CFAP54: variants seen among roughly 807,000 people sequenced by gnomAD.
The protein encoded by CFAP54 is cilia and flagella associated protein 54.
Under a neutral mutation model 370.4 loss-of-function variants are expected in CFAP54, and 290 were observed. That is an observed-to-expected ratio of 0.78 (90% CI 0.71 to 0.86). The LOEUF (loss-of-function observed/expected upper bound fraction) is 0.86, where lower values mean the gene tolerates loss of function less well. Ranked by LOEUF, CFAP54 falls within the 40% of genes least tolerant of loss-of-function variation. The pLI, the probability that CFAP54 is intolerant of heterozygous loss-of-function variation, is 0.00. For synonymous variants in CFAP54, 1,206 were observed against 1,236.5 expected, an observed-to-expected ratio of 0.98 and a Z score of 0.52; for missense variants, 3,399 against 3,528.7, an observed-to-expected ratio of 0.96 and a Z score of 0.93.
At chr12:96,507,150 C>A in intron 4 of CFAP54, 51 bp downstream of exon 4, 1 of 1,353,610 alleles carries the variant, frequency 7.4e-7, no homozygotes, top group Admixed American at 3.0e-5. Context: ...AAAGTTACTT[C>A]AATGCTAAGT....
intron 64 of CFAP54, among the ~76,000 whole-genome samples, chr12:96,812,532 C>T (rs1256882543): frequency 2.0e-5 from 3 of 152,122 alleles, no homozygotes; most frequent in Non-Finnish European, 4.4e-5. Flanking sequence ...CCATTTCCTC[C>T]ATTGTAGGAT....
At position 96,558,656 on chromosome 12, in the gene CFAP54, G is replaced by A. The variant is rs144520230; in HGVS notation, c.2410+3854G>A. Among the ~76,000 whole-genome samples the A allele has an allele frequency of 3.2e-3, 492 of 152,144 alleles. 5 individuals are homozygous for A. The highest frequency in any genetic ancestry group is 0.011 in the African/African-American group (454 of 41,518). On this transcript the variant is annotated intron_variant, in intron 17 of 67. Coordinates refer to ENST00000524981, the MANE Select transcript of CFAP54 (RefSeq NM_001306084.2). The stretch of plus-strand genomic sequence containing the variant: ...AGACAGTCTTTTCAATAAATGATGG[G>A]AAAACTGGATATTCATATGCAAAAG...
At chr12:96,785,538 A>C (rs1184920435) in intron 61 of CFAP54, among the ~76,000 whole-genome samples, 1 of 152,184 alleles carries the variant, frequency 6.6e-6, no homozygotes, top group Admixed American at 6.5e-5. Flanking sequence ...GCTGAGTCAC[A>C]GAGTTGCTAA....
At chr12:96,772,046 C>A (rs1958468159) in intron 60 of CFAP54, among the ~76,000 whole-genome samples, 1 of 152,190 alleles carries the variant, frequency 6.6e-6, no homozygotes, top group Non-Finnish European at 1.5e-5. Flanking sequence ...GATCAGATTA[C>A]ATTGGTCTAA....
chr12:96,645,930 A>C (rs911075418), intron 33 of CFAP54: 1 of 152,200 alleles, frequency 6.6e-6, no homozygotes, highest in African/African-American at 2.4e-5. Context: ...CCTTCCTTAC[A>C]CCTTATACAA....
intron 1 of CFAP54, among the ~76,000 whole-genome samples, chr12:96,498,258 A>G (rs1297961214): frequency 6.6e-6 from 1 of 152,256 alleles, no homozygotes; most frequent in Non-Finnish European, 1.5e-5. Flanking sequence ...TCCTGGAACA[A>G]CTGGATATCC....
intron 1 of CFAP54, among the ~76,000 whole-genome samples, chr12:96,497,925 A>G (rs1215953802): frequency 6.6e-6 from 1 of 152,230 alleles, no homozygotes; most frequent in Non-Finnish European, 1.5e-5. Context: ...CCAACTCTGT[A>G]ACTGAGTAGC....
intron 23 of CFAP54, among the ~76,000 whole-genome samples, chr12:96,590,683 TGTG>T (rs1261585699): frequency 3.3e-5 from 5 of 152,134 alleles, no homozygotes; most frequent in South Asian, 4.1e-4. Context: ...TTATGCGACT[TGTG>T]GGGATAAGAG....
intron 42 of CFAP54, among the ~76,000 whole-genome samples, chr12:96,686,438 G>T (rs1395186518): frequency 6.6e-6 from 1 of 152,210 alleles, no homozygotes; most frequent in Non-Finnish European, 1.5e-5. Flanking sequence ...GTAAAGAAAA[G>T]AGGTTTAATT....
intron 16 of CFAP54, 62 bp downstream of exon 16, chr12:96,554,372 T>C (rs967870828): frequency 1.5e-5 from 22 of 1,437,908 alleles, no homozygotes; most frequent in Non-Finnish European, 1.9e-5. Context: ...AAAACTGGCC[T>C]TGAAAGTAGG....
chr12:96,692,604 A>G (rs148233767), intron 44 of CFAP54, among the ~76,000 whole-genome samples: 9 of 152,340 alleles, frequency 5.9e-5, no homozygotes, highest in Middle Eastern at 3.4e-3. Context: ...AGTTATAGAA[A>G]AATGTATTGT....
intron 15 of CFAP54, among the ~76,000 whole-genome samples, chr12:96,551,831 C>T (rs1023059192): frequency 6.6e-6 from 1 of 152,088 alleles, no homozygotes; most frequent in Admixed American, 6.5e-5. Flanking sequence ...TAAAAGCAGC[C>T]CTTTAATAGT....
intron 63 of CFAP54, among the ~76,000 whole-genome samples, chr12:96,798,211 T>C (rs1458082055): frequency 1.3e-5 from 2 of 152,144 alleles, no homozygotes; most frequent in Non-Finnish European, 2.9e-5. Context: ...GTTTGTTTTT[T>C]ACTCCCTCTT....
chr12:96,528,385 T>G (rs1324553679), intron 9 of CFAP54, among the ~76,000 whole-genome samples: 1 of 152,200 alleles, frequency 6.6e-6, no homozygotes, highest in Non-Finnish European at 1.5e-5. Flanking sequence ...GCTTCTCTGT[T>G]GAAGGGAGAG....
intron 56 of CFAP54, among the ~76,000 whole-genome samples, chr12:96,754,963 C>T (rs894885927): frequency 9.9e-5 from 15 of 152,084 alleles, no homozygotes; most frequent in Non-Finnish European, 4.4e-5. Context: ...AGGCTGATCT[C>T]GAACTCCTGA....
At chr12:96,654,041 A>G (rs1956892507) in intron 36 of CFAP54, among the ~76,000 whole-genome samples, 1 of 152,214 alleles carries the variant, frequency 6.6e-6, no homozygotes, top group Non-Finnish European at 1.5e-5. Context: ...TAACAATCTG[A>G]CACAAGAAGA....
intron 66 of CFAP54, among the ~76,000 whole-genome samples, chr12:96,853,864 C>A (rs1016363264): frequency 1.8e-4 from 27 of 151,996 alleles, no homozygotes; most frequent in Middle Eastern, 3.4e-3. Flanking sequence ...AGCAATTAAT[C>A]TTCATCCTTT....
intron 39 of CFAP54, among the ~76,000 whole-genome samples, chr12:96,669,635 G>A (rs1302550109): frequency 2.6e-5 from 4 of 152,214 alleles, no homozygotes. Flanking sequence ...TGGGTAGCCA[G>A]ATGGATGATG....
chr12:96,741,477 C>T (rs1311429090), intron 51 of CFAP54, among the ~76,000 whole-genome samples: 1 of 152,100 alleles, frequency 6.6e-6, no homozygotes, highest in African/African-American at 2.4e-5. Context: ...GACTGCTTAC[C>T]CTTGTTTCCA....
Sources: gnomAD v4.1 joint callset for allele counts (sites outside exome capture counted in the v4.1 genomes callset) on GRCh38, gnomAD v4.1.1 for gene constraint, MANE v1.5 for transcripts, NCBI Gene and HGNC (gene_info 2026-07-23, HGNC 2026-07-21) for gene names.